NEBL: variants seen among roughly 807,000 people sequenced by gnomAD.
NEBL encodes the protein LIM and SH3 protein 2.
A neutral mutation model predicts 140.2 loss-of-function variants in NEBL; 122 were observed. That is an observed-to-expected ratio of 0.87 (90% CI 0.75 to 1.01). The LOEUF is 1.01. NEBL is among the 50% of genes least tolerant of loss of function. The pLI is 0.00. For missense variants in NEBL, 1,365 were observed against 1,231.3 expected (o/e 1.11, Z -1.62); for synonymous variants, 436 against 398.9 (o/e 1.09, Z -1.11).
chr10:20,833,098 T>A (rs977475217), intron 14 of NEBL, among the ~76,000 whole-genome samples: 1 of 152,204 alleles, frequency 6.6e-6, no homozygotes, highest in Non-Finnish European at 1.5e-5. Context: ...CTAAAGCACA[T>A]AGACTACATT....
chr10:20,957,076 A>G (rs1463397991), intron 4 of NEBL, among the ~76,000 whole-genome samples: 1 of 152,214 alleles, frequency 6.6e-6, no homozygotes, highest in Non-Finnish European at 1.5e-5. Flanking sequence ...AAATCCCTAG[A>G]TAATTGTCCC....
At chr10:21,261,485 CACTATCCCT>C (rs1351786138) in intron 1 of NEBL, among the ~76,000 whole-genome samples, 5 of 151,936 alleles carry the variant, frequency 3.3e-5, no homozygotes, top group African/African-American at 9.7e-5. Flanking sequence ...CAAAGTGAGG[CACTATCCCT>C]ACAAACAATA....
rs1339598768 is a variant in NEBL at position 21,288,818 on chromosome 10, GTGTATATATATATATA to G, written n.182+3996_182+4011del. ...CATCTGACAATATATACGTGTGTGT[GTGTATATATATATATA>G]TATATATATATATATAAAAATTTTT... On this transcript the variant is annotated intron_variant and non_coding_transcript_variant, in intron 1 of 8. Coordinates refer to the NEBL transcript ENST00000675702. Among the ~76,000 whole-genome samples, 35 of 32,668 alleles carry G rather than the reference GTGTATATATATATATA, an allele frequency of 1.1e-3. 1 individual carries two copies. The East Asian group carries it at 0.018, about 17-fold the overall frequency. 21.4% of individuals were successfully genotyped at this position (32,668 alleles called of 152,430 possible). A position where few individuals can be genotyped will look rare whatever the true frequency, so the allele number is the denominator to read the frequency against.
chr10:21,273,340 T>C (rs1024933456), intron 1 of NEBL, among the ~76,000 whole-genome samples: 1 of 152,174 alleles, frequency 6.6e-6, no homozygotes, highest in Admixed American at 6.5e-5. Context: ...AAAGAGGGAA[T>C]TGAGCTTCAG....
intron 4 of NEBL, among the ~76,000 whole-genome samples, chr10:20,929,956 G>A (rs973528803): frequency 6.6e-6 from 1 of 152,116 alleles, no homozygotes; most frequent in African/African-American, 2.4e-5. Flanking sequence ...GAGAGCTTCA[G>A]GCTTGGTACT....
At chr10:20,844,990 C>A (rs73607526) in intron 12 of NEBL, among the ~76,000 whole-genome samples, 1 of 151,996 alleles carries the variant, frequency 6.6e-6, no homozygotes, top group Non-Finnish European at 1.5e-5. Context: ...AGCTTCTGAG[C>A]TACAACTAAA....
chr10:21,263,199 TGA>T (rs955591316), intron 1 of NEBL, among the ~76,000 whole-genome samples: 8 of 152,190 alleles, frequency 5.3e-5, no homozygotes, highest in African/African-American at 1.9e-4. Flanking sequence ...TCATACCACT[TGA>T]GGTATTGTAA....
chr10:20,822,552 T>C (rs978525154), intron 19 of NEBL, among the ~76,000 whole-genome samples: 13 of 151,460 alleles, frequency 8.6e-5, no homozygotes, highest in African/African-American at 3.1e-4. Context: ...TCTAACTAGA[T>C]ATAGAAAGAC....
intron 1 of NEBL, among the ~76,000 whole-genome samples, chr10:21,282,068 G>T (rs74123937): frequency 0.034 from 5,226 of 152,262 alleles, 281 homozygotes; most frequent in African/African-American, 0.12. Flanking sequence ...GCAAGTGTGG[G>T]ATTTGTGCGT....
chr10:20,856,665 C>T (rs1317036457), intron 9 of NEBL, among the ~76,000 whole-genome samples: 4 of 152,150 alleles, frequency 2.6e-5, no homozygotes, highest in Non-Finnish European at 5.9e-5. Context: ...GACTGAAGTG[C>T]AAGCCAGCAT....
chr10:21,290,839 G>A (rs1352291971), intron 1 of NEBL, among the ~76,000 whole-genome samples: 1 of 152,082 alleles, frequency 6.6e-6, no homozygotes, highest in African/African-American at 2.4e-5. Context: ...AGTATATTTA[G>A]GCCTCAACCA....
chr10:21,126,804 CT>C (rs2132058838), intron 2 of NEBL, among the ~76,000 whole-genome samples: 1 of 151,782 alleles, frequency 6.6e-6, no homozygotes, highest in South Asian at 2.1e-4. Flanking sequence ...GAAACCCTGT[CT>C]CCACTAAAAA....
upstream of NEBL, among the ~76,000 whole-genome samples, chr10:20,898,746 G>A (rs1397785469): frequency 6.6e-6 from 1 of 152,048 alleles, no homozygotes; most frequent in Admixed American, 6.6e-5. Flanking sequence ...ACACAAACCT[G>A]TTTATCTCAT....
chr10:20,785,812 C>T lies in NEBL; in HGVS notation c.2980G>A (p.Gly994Ser). Residue 994 changes from glycine to serine, a missense_variant, in exon 28 of 28, where the codon GGC becomes AGC. Around this residue, in one of 2 missense-constraint regions of NEBL, gnomAD observed 42 missense variants for 76.5 expected, o/e 0.55. Transcript: ENST00000377122. ...GTTCTCCCTGTTCTCTGCACTGTGC[C>T]GTACATCCAGCCATCGTCAATAGGC... ...VQPIDDGWMY[G>S]TVQRTGRTGM... The T allele has an allele frequency of 6.2e-7, 1 of 1,614,020 alleles. No homozygotes were observed. The highest frequency in any genetic ancestry group is 8.5e-7 in the Non-Finnish European group (1 of 1,179,960).
intron 4 of NEBL, among the ~76,000 whole-genome samples, chr10:20,919,009 A>T (rs528289232): frequency 6.6e-6 from 1 of 152,180 alleles, no homozygotes; most frequent in African/African-American, 2.4e-5. Flanking sequence ...TCAGTAGTAG[A>T]ATTCTGGAAT....
At chr10:20,830,854 T>C (rs1367772680) in intron 16 of NEBL, among the ~76,000 whole-genome samples, 1 of 143,618 alleles carries the variant, frequency 7.0e-6, no homozygotes, top group Non-Finnish European at 1.5e-5. Context: ...CAGCAAGCTA[T>C]GATGGTGCCA....
chr10:20,838,259 A>G (rs776595986), intron 13 of NEBL, among the ~76,000 whole-genome samples: 1 of 152,196 alleles, frequency 6.6e-6, no homozygotes, highest in African/African-American at 2.4e-5. Flanking sequence ...ACAAAATATC[A>G]ACATTAATAG....
intron 7 of NEBL, among the ~76,000 whole-genome samples, chr10:20,866,095 A>T (rs1217507429): frequency 1.3e-5 from 2 of 152,174 alleles, no homozygotes; most frequent in South Asian, 4.1e-4. Context: ...ACTACAGTTA[A>T]CATGGCAAAA....
At chr10:21,217,709 G>T (rs1234580277) in intron 3 of NEBL, among the ~76,000 whole-genome samples, 1 of 152,154 alleles carries the variant, frequency 6.6e-6, no homozygotes, top group Non-Finnish European at 1.5e-5. Flanking sequence ...ATTACTTGAA[G>T]ATTCATGGTA....
Sources: gnomAD v4.1 joint callset for allele counts (sites outside exome capture counted in the v4.1 genomes callset) on GRCh38, gnomAD v4.1.1 for gene constraint, gnomAD v4.1.1 regional missense constraint, MANE v1.5 for transcripts, NCBI Gene and HGNC (gene_info 2026-07-23, HGNC 2026-07-21) for gene names.